The following SLC16A7 variants were observed in gnomAD, a reference collection of about 807,000 sequenced individuals.
The protein encoded by SLC16A7 is monocarboxylate transporter 2.
SLC16A7 carries 33 observed loss-of-function variants against 34.9 expected under a neutral mutation model. That is an observed-to-expected ratio of 0.94 (90% CI 0.72 to 1.26). SLC16A7 has a LOEUF of 1.26. Ranked by LOEUF, SLC16A7 falls within the 50% of genes most tolerant of loss-of-function variation. The probability of loss-of-function intolerance (pLI) is 0.00; values close to 1 mark genes in which losing one functional copy is unlikely to be tolerated. For synonymous variants in SLC16A7, 201 were observed against 206.6 expected (o/e 0.97, Z 0.23); for missense variants, 573 against 578.1 (o/e 0.99, Z 0.09).
At chr12:59,774,591 G>A (rs1016281674) in intron 4 of SLC16A7, 66 bp from the exon 5 acceptor site, 9 of 947,014 alleles carry the variant, frequency 9.5e-6, no homozygotes, top group Non-Finnish European at 1.4e-5. Flanking sequence ...ATTTTGAGGA[G>A]TAATTTCTTT....
At chr12:59,635,720 C>T (rs1253814575) in intron 1 of SLC16A7, among the ~76,000 whole-genome samples, 2 of 151,814 alleles carry the variant, frequency 1.3e-5, no homozygotes, top group Admixed American at 6.6e-5. Context: ...CCTGTGTAGC[C>T]CAGAGGTGGC....
At chr12:59,615,078 C>T (rs1241550937) in intron 1 of SLC16A7, among the ~76,000 whole-genome samples, 1 of 151,978 alleles carries the variant, frequency 6.6e-6, no homozygotes, top group Non-Finnish European at 1.5e-5. Context: ...TCTTGCTCTT[C>T]TGTCTTCAGC....
intron 3 of SLC16A7, among the ~76,000 whole-genome samples, chr12:59,765,939 A>T (rs1002891341): frequency 6.6e-6 from 1 of 152,090 alleles, no homozygotes; most frequent in Non-Finnish European, 1.5e-5. Flanking sequence ...GGCCATTTTC[A>T]TGATATTGAT....
intron 3 of SLC16A7, among the ~76,000 whole-genome samples, chr12:59,768,632 A>G (rs1881918184): frequency 6.6e-6 from 1 of 152,190 alleles, no homozygotes; most frequent in South Asian, 2.1e-4. Flanking sequence ...GTCAAATGAC[A>G]TCGCATGCTA....
In SLC16A7 at chr12:59,782,509, A is replaced by G. The variant is rs1461951926; in HGVS notation, c.*2830A>G. On this transcript the variant is annotated 3_prime_UTR_variant, in exon 6 of 6. Coordinates refer to ENST00000547379, the MANE Select transcript of SLC16A7 (RefSeq NM_001270623.2). Reference sequence around the variant, plus strand: ...ATAGGTTTTAAACATTTGAGATATCATGAAGCAAAGTCAGGGTATACCACT... The same window carrying G: ...ATAGGTTTTAAACATTTGAGATATCGTGAAGCAAAGTCAGGGTATACCACT... The G allele has an allele frequency of 6.6e-6, 1 of 152,216 alleles. No individual in the cohort carries two copies. The highest frequency in any genetic ancestry group is 2.4e-5 in the African/African-American group (1 of 41,460). The allele number at this position is 152,216 out of a possible 1,614,324, so 9.4% of individuals were successfully genotyped here. A position where few individuals can be genotyped will look rare whatever the true frequency, so the allele number is the denominator to read the frequency against.
chr12:59,682,671 A>C lies in SLC16A7; in HGVS notation c.-30-22101A>C, dbSNP rs150386617. ...GTGGAAGGATAGGTGTGATTTCATC[A>C]TGTGACAATGCAAGTAGGTCAGGTA... On this transcript the variant is annotated intron_variant, in intron 2 of 5. Coordinates refer to ENST00000547379, the MANE Select transcript of SLC16A7 (RefSeq NM_001270623.2). 3.4e-4 allele frequency among the ~76,000 whole-genome samples: 52 copies of C among 152,322 alleles called. 1 individual carries two copies. The East Asian group carries it at 9.4e-3, about 28-fold the overall frequency.
At chr12:59,618,117 A>T (rs1053848918) in intron 1 of SLC16A7, among the ~76,000 whole-genome samples, 2 of 151,786 alleles carry the variant, frequency 1.3e-5, no homozygotes, top group Non-Finnish European at 2.9e-5. Context: ...TCATTTCCTG[A>T]TATCTTTATC....
intron 1 of SLC16A7, among the ~76,000 whole-genome samples, chr12:59,605,377 G>A (rs1878888294): frequency 6.6e-6 from 1 of 152,190 alleles, no homozygotes. Flanking sequence ...TTGCAAGGTG[G>A]TAGGGATAGA....
chr12:59,769,417 TA>T (rs1882006175), intron 3 of SLC16A7: 3 of 152,264 alleles, frequency 2.0e-5, no homozygotes, highest in Non-Finnish European at 4.4e-5. Context: ...TTTACCATGT[TA>T]GGGACAGAAT....
intron 3 of SLC16A7, among the ~76,000 whole-genome samples, chr12:59,728,870 G>C (rs1876601925): frequency 6.6e-6 from 1 of 152,130 alleles, no homozygotes; most frequent in Non-Finnish European, 1.5e-5. Flanking sequence ...TTTCCTAGTA[G>C]AGGAAAATAG....
chr12:59,782,275 G>A lies in SLC16A7; in HGVS notation c.*2596G>A, dbSNP rs772205462. ...CTACAGGATTCAGAATTGTTCCAGG[G>A]TAATATAAATTATTCTACTTGTTCA... On this transcript the variant is annotated 3_prime_UTR_variant, in exon 6 of 6. Transcript: ENST00000547379. The A allele has an allele frequency of 1.3e-5, 2 of 152,080 alleles. No individual in the cohort carries two copies. The highest frequency in any genetic ancestry group is 2.9e-5 in the Non-Finnish European group (2 of 68,012). The allele number at this position is 152,080 out of a possible 1,614,324, so 9.4% of individuals were successfully genotyped here.
At chr12:59,682,926 C>T (rs756101415) in intron 2 of SLC16A7, among the ~76,000 whole-genome samples, 7 of 151,900 alleles carry the variant, frequency 4.6e-5, no homozygotes, top group South Asian at 2.1e-4. Context: ...ATTAGCCAGG[C>T]GTGGTGGTGG....
chr12:59,729,775 C>G (rs1452890859), intron 3 of SLC16A7, among the ~76,000 whole-genome samples: 1 of 152,114 alleles, frequency 6.6e-6, no homozygotes, highest in Non-Finnish European at 1.5e-5. Context: ...AAGTAAGCAT[C>G]TGAATGTGGA....
At chr12:59,687,239 T>C (rs1452330329) in intron 2 of SLC16A7, among the ~76,000 whole-genome samples, 2 of 151,892 alleles carry the variant, frequency 1.3e-5, no homozygotes, top group African/African-American at 4.8e-5. Flanking sequence ...GAAAATATCT[T>C]TCAATCCTGC....
chr12:59,619,336 G>T (rs1450729928), intron 1 of SLC16A7, among the ~76,000 whole-genome samples: 2 of 151,896 alleles, frequency 1.3e-5, no homozygotes, highest in Non-Finnish European at 2.9e-5. Context: ...TTTACCCAGT[G>T]AATTAATCTT....
chr12:59,638,053 C>T (rs1036703799), intron 1 of SLC16A7, among the ~76,000 whole-genome samples: 7 of 152,194 alleles, frequency 4.6e-5, no homozygotes, highest in Admixed American at 1.3e-4. Flanking sequence ...CTGTGGTTTT[C>T]TGTTATAGCA....
rs984530941 is a variant in SLC16A7 at position 59,769,709 on chromosome 12, GAT to G, written c.218-1507_218-1506del. On this transcript the variant is annotated intron_variant, in intron 3 of 5. Transcript: ENST00000547379. ...AATAATAATTATATTTGTATAAAAG[GAT>G]ATGAGTGCATTGATAAGTGAATCTC... 1.2e-3 allele frequency among the ~76,000 whole-genome samples: 183 copies of G among 152,068 alleles called. 2 individuals carry two copies. Among genetic ancestry groups the G allele is most frequent in the African/African-American group, 3.9e-3 (160 of 41,526 alleles).
chr12:59,759,655 G>A (rs1054978569), intron 3 of SLC16A7, among the ~76,000 whole-genome samples: 1 of 151,946 alleles, frequency 6.6e-6, no homozygotes, highest in Non-Finnish European at 1.5e-5. Context: ...AGGCACAATA[G>A]TAAATATTTT....
At chr12:59,638,836 T>C (rs1880549390) in intron 1 of SLC16A7, among the ~76,000 whole-genome samples, 1 of 152,178 alleles carries the variant, frequency 6.6e-6, no homozygotes, top group South Asian at 2.1e-4. Context: ...TGTATGTTGG[T>C]AGTTGAAACT....
Sources: allele counts gnomAD v4.1 joint callset (sites outside exome capture counted in the v4.1 genomes callset), GRCh38; gene constraint gnomAD v4.1.1; transcripts MANE v1.5; gene names NCBI Gene and HGNC (gene_info 2026-07-23, HGNC 2026-07-21).